GRID2: variants seen among roughly 807,000 people sequenced by gnomAD.
GRID2 encodes the protein glutamate ionotropic receptor delta type subunit 2.
A neutral mutation model predicts 114.8 loss-of-function variants in GRID2; 33 were observed. That is an observed-to-expected ratio of 0.29 (90% CI 0.22 to 0.38). The LOEUF (loss-of-function observed/expected upper bound fraction) is 0.38, where lower values mean the gene tolerates loss of function less well. GRID2 is among the 10% of genes least tolerant of loss of function. The pLI is 1.00. For missense variants in GRID2, 1,184 were observed against 1,257.7 expected (o/e 0.94, Z 0.89); for synonymous variants, 505 against 449.9 (o/e 1.12, Z -1.55).
At chr4:92,804,520 T>G (rs1740323932) in intron 2 of GRID2, among the ~76,000 whole-genome samples, 1 of 152,054 alleles carries the variant, frequency 6.6e-6, no homozygotes, top group Non-Finnish European at 1.5e-5. Context: ...GGTGAGTTTA[T>G]GTACAGATAT....
intron 2 of GRID2, among the ~76,000 whole-genome samples, chr4:92,779,030 A>T (rs1349105712): frequency 1.3e-5 from 2 of 152,112 alleles, no homozygotes; most frequent in East Asian, 3.9e-4. Context: ...GGAAATTTTC[A>T]TTCTATCATA....
chr4:92,975,156 C>CAAAAAAAAAAAAAAAAAAAAAAAAAA lies in GRID2; in HGVS notation c.245-109818_245-109817insAAAAAAAAAAAAAAAAAAAAAAAAAA, dbSNP rs527770693. ...TGGGCGACAGAGTGAGATTCCGCCT[C>CAAAAAAAAAAAAAAAAAAAAAAAAAA]AAAAAAAAAAAAAAAAAAAAAGGTG... On this transcript the variant is annotated intron_variant, in intron 2 of 15. Coordinates refer to ENST00000282020, the MANE Select transcript of GRID2 (RefSeq NM_001510.4). 2.6e-4 allele frequency among the ~76,000 whole-genome samples: 12 copies of CAAAAAAAAAAAAAAAAAAAAAAAAAA among 46,676 alleles called. 1 individual carries two copies. Among genetic ancestry groups the CAAAAAAAAAAAAAAAAAAAAAAAAAA allele is most frequent in the African/African-American group, 8.8e-4 (9 of 10,198 alleles). The allele number at this position is 46,676 out of a possible 152,430, so 30.6% of individuals were successfully genotyped here.
chr4:93,207,494 C>T, intron 5 of GRID2, 37 bp downstream of exon 5: 1 of 1,270,828 alleles, frequency 7.9e-7, no homozygotes, highest in East Asian at 2.4e-5. Context: ...ACTCTGTGTC[C>T]TTTTTTCACA....
chr4:92,858,381 G>A (rs1007275480), intron 2 of GRID2, among the ~76,000 whole-genome samples: 1 of 152,156 alleles, frequency 6.6e-6, no homozygotes, highest in Non-Finnish European at 1.5e-5. Context: ...AACATGAACA[G>A]AAATTTGGAA....
chr4:92,943,728 T>C (rs1751368817), intron 2 of GRID2, among the ~76,000 whole-genome samples: 1 of 152,178 alleles, frequency 6.6e-6, no homozygotes, highest in Admixed American at 6.5e-5. Flanking sequence ...TTTTGGTCTT[T>C]GATGATGGTG....
intron 14 of GRID2, among the ~76,000 whole-genome samples, chr4:93,713,808 C>T (rs1728684994): frequency 1.3e-5 from 2 of 152,162 alleles, no homozygotes; most frequent in Non-Finnish European, 2.9e-5. Flanking sequence ...AACTAATTCA[C>T]ACCTGTTCTT....
At chr4:93,560,523 A>G (rs1159122308) in intron 13 of GRID2, among the ~76,000 whole-genome samples, 1 of 152,152 alleles carries the variant, frequency 6.6e-6, no homozygotes, top group East Asian at 1.9e-4. Flanking sequence ...TAGCTAAGCC[A>G]TTCATGAGGG....
intron 12 of GRID2, among the ~76,000 whole-genome samples, chr4:93,503,015 T>TAA (rs1487066803): frequency 6.6e-6 from 1 of 152,122 alleles, no homozygotes; most frequent in Non-Finnish European, 1.5e-5. Flanking sequence ...AAATAGCAGT[T>TAA]AATAAGACCT....
chr4:93,792,665 A>C (rs745799387), intron 1 of GRID2, among the ~76,000 whole-genome samples: 5 of 152,216 alleles, frequency 3.3e-5, no homozygotes, highest in Non-Finnish European at 5.9e-5. Flanking sequence ...AAATCAATGC[A>C]ACTATTGGAA....
intron 2 of GRID2, among the ~76,000 whole-genome samples, chr4:92,931,513 A>G (rs1750233955): frequency 6.6e-6 from 1 of 150,880 alleles, no homozygotes; most frequent in Non-Finnish European, 1.5e-5. Flanking sequence ...ATGATACATA[A>G]ATATTGGGAT....
chr4:93,416,777 G>T (rs1216537158), intron 9 of GRID2, among the ~76,000 whole-genome samples: 14 of 152,046 alleles, frequency 9.2e-5, no homozygotes. Context: ...TCAGAATCAT[G>T]AAGTTATTAT....
intron 8 of GRID2, among the ~76,000 whole-genome samples, chr4:93,362,621 T>C (rs72876974): frequency 0.019 from 2,833 of 152,204 alleles, 86 homozygotes; most frequent in African/African-American, 0.065. Flanking sequence ...ATAAGCTATG[T>C]AGGGAAGAAA....
intron 13 of GRID2, among the ~76,000 whole-genome samples, chr4:93,583,183 T>A (rs554128589): frequency 5.9e-5 from 9 of 152,296 alleles, no homozygotes; most frequent in Non-Finnish European, 1.3e-4. Flanking sequence ...ATCCAGATCC[T>A]TAGTTATGTC....
chr4:93,669,531 T>C (rs1264004089), intron 14 of GRID2, among the ~76,000 whole-genome samples: 1 of 152,102 alleles, frequency 6.6e-6, no homozygotes, highest in African/African-American at 2.4e-5. Context: ...TTAACTAATG[T>C]CAGTAAAGCG....
At chr4:93,061,453 G>A (rs1196870733) in intron 2 of GRID2, among the ~76,000 whole-genome samples, 1 of 151,824 alleles carries the variant, frequency 6.6e-6, no homozygotes, top group Non-Finnish European at 1.5e-5. Flanking sequence ...AAGTCATATG[G>A]CCAAGCTTAA....
rs543727203 is a variant in GRID2 at position 93,221,183 on chromosome 4, C to T, written c.964-3431C>T. ...GATCTAATGTCTTACACTATTCTCTCCTAGTCAGATCACATCTGTAATAAT... is the reference window on the plus strand; with the variant it reads ...GATCTAATGTCTTACACTATTCTCTTCTAGTCAGATCACATCTGTAATAAT... On this transcript the variant is annotated intron_variant, in intron 6 of 15. Transcript: ENST00000282020. Among the ~76,000 whole-genome samples, 7 of 152,244 alleles carry T rather than the reference C, an allele frequency of 4.6e-5. No homozygotes were observed. In the South Asian group the frequency reaches 1.0e-3, roughly 23 times the overall value.
chr4:93,545,039 TCTA>T (rs536183407), intron 13 of GRID2, among the ~76,000 whole-genome samples: 310 of 152,282 alleles, frequency 2.0e-3, no homozygotes, highest in Non-Finnish European at 3.6e-3. Context: ...TCTTTATAAC[TCTA>T]CCATCCATGT....
chr4:92,487,635 C>A (rs1320751697), intron 1 of GRID2, among the ~76,000 whole-genome samples: 1 of 151,946 alleles, frequency 6.6e-6, no homozygotes, highest in African/African-American at 2.4e-5. Context: ...ATGCTATATC[C>A]CACTCCCCTG....
rs569201809 is a variant in GRID2 at position 92,685,490 on chromosome 4, A to G, written c.244+95204A>G. 9.3e-4 allele frequency among the ~76,000 whole-genome samples: 141 copies of G among 152,220 alleles called. 3 individuals carry two copies. In the Middle Eastern group the frequency reaches 0.01, roughly 11 times the overall value. On this transcript the variant is annotated intron_variant, in intron 2 of 15. Coordinates refer to ENST00000282020, the MANE Select transcript of GRID2 (RefSeq NM_001510.4). ...GAAAAAGGGAAGTGGCATATTACAG[A>G]TAAGTTAAAAAATAGACAAAAGTTT...
Sources: allele counts gnomAD v4.1 joint callset (sites outside exome capture counted in the v4.1 genomes callset), GRCh38; gene constraint gnomAD v4.1.1; transcripts MANE v1.5; gene names NCBI Gene and HGNC (gene_info 2026-07-23, HGNC 2026-07-21).